RGS12: variants seen among roughly 807,000 people sequenced by gnomAD.
RGS12 encodes the protein regulator of G protein signaling 12, also known as regulator of G-protein signaling 12.
RGS12 carries 66 observed loss-of-function variants against 120.1 expected under a neutral mutation model. The observed-to-expected ratio is 0.55, with a 90% CI of 0.45 to 0.67. The LOEUF (loss-of-function observed/expected upper bound fraction) is 0.67, where lower values mean the gene tolerates loss of function less well. Ranked by LOEUF, RGS12 falls within the 30% of genes least tolerant of loss-of-function variation. The pLI, the probability that RGS12 is intolerant of heterozygous loss-of-function variation, is 0.00. For missense variants in RGS12, 1,859 were observed against 1,957.7 expected (o/e 0.95, Z 0.95); for synonymous variants, 827 against 804.7 (o/e 1.03, Z -0.47).
chr4:3,376,666 TCA>T (rs1717729708), intron 3 of RGS12, among the ~76,000 whole-genome samples: 4 of 152,192 alleles, frequency 2.6e-5, no homozygotes, highest in Non-Finnish European at 4.4e-5. Context: ...ATTTCATTTT[TCA>T]AAAAATGCTG....
intron 1 of RGS12, among the ~76,000 whole-genome samples, chr4:3,307,637 G>A (rs922013444): frequency 3.3e-5 from 5 of 152,220 alleles, no homozygotes; most frequent in South Asian, 4.1e-4. Flanking sequence ...CGTGGATCGC[G>A]CACCTGCCCT....
intron 3 of RGS12, among the ~76,000 whole-genome samples, chr4:3,344,048 C>T (rs1440212191): frequency 6.6e-6 from 1 of 152,190 alleles, no homozygotes; most frequent in Non-Finnish European, 1.5e-5. Context: ...TACATGTCTC[C>T]TTCAGCGCGT....
At position 3,349,074 on chromosome 4, in the gene RGS12, G is replaced by A. The variant is rs558435275; in HGVS notation, c.1998+6021G>A. ...ACGTCCTGCAGTTTTACTAATAGCC[G>A]ATCAATACTTCAGGAAAACCCTGTT... On this transcript the variant is annotated intron_variant, in intron 3 of 17. Coordinates refer to ENST00000336727, the MANE Select transcript of RGS12 (RefSeq NM_001394154.1). Among the ~76,000 whole-genome samples the A allele has an allele frequency of 5.9e-5, 9 of 152,276 alleles. 1 individual carries two copies. The East Asian group carries it at 9.6e-4, about 16-fold the overall frequency.
At chr4:3,362,880 T>A (rs200493583) in intron 3 of RGS12, among the ~76,000 whole-genome samples, 83 of 146,890 alleles carry the variant, frequency 5.7e-4, no homozygotes, top group East Asian at 3.5e-3. Flanking sequence ...TGTGTGTGTG[T>A]GAGAGCATGT....
intron 3 of RGS12, among the ~76,000 whole-genome samples, chr4:3,383,980 G>C (rs1718545089): frequency 6.6e-6 from 1 of 152,216 alleles, no homozygotes; most frequent in Non-Finnish European, 1.5e-5. Context: ...CGGCCTGCCA[G>C]ATTCTGAGAA....
chr4:3,437,425 T>C (rs1330966070), intron 17 of RGS12, among the ~76,000 whole-genome samples: 2 of 152,170 alleles, frequency 1.3e-5, no homozygotes, highest in Non-Finnish European at 2.9e-5. Context: ...CAGAGCCCTA[T>C]GAACACTCCA....
intron 3 of RGS12, among the ~76,000 whole-genome samples, chr4:3,349,488 T>G (rs1165221997): frequency 6.6e-6 from 1 of 152,232 alleles, no homozygotes; most frequent in Non-Finnish European, 1.5e-5. Context: ...TTCTCTTTGC[T>G]TTCTAAATCC....
intron 3 of RGS12, among the ~76,000 whole-genome samples, chr4:3,356,972 G>A (rs1406038355): frequency 1.3e-5 from 2 of 152,140 alleles, no homozygotes; most frequent in Non-Finnish European, 2.9e-5. Context: ...CCACCGTACT[G>A]TTTTCCATAG....
intron 17 of RGS12, chr4:3,431,728 C>A: frequency 1.0e-6 from 1 of 985,574 alleles, no homozygotes; most frequent in Non-Finnish European, 1.2e-6. Context: ...AGAGAGGAGC[C>A]GCTCAGGGTG....
chr4:3,317,190 C>A lies in RGS12; in HGVS notation c.1020C>A (p.Phe340Leu). ...CCCTGCGGACTTCCTGCCACGTGTTCATGGTGGACCCAGACTTGTTTAATC... is the reference window on the plus strand; with the variant it reads ...CCCTGCGGACTTCCTGCCACGTGTTAATGGTGGACCCAGACTTGTTTAATC... ...EGALRTSCHVFMVDPDLFNHK... is the reference protein window; with the variant it reads ...EGALRTSCHVLMVDPDLFNHK... Residue 340 changes from phenylalanine (F) to leucine (L), a missense_variant, in exon 2 of 18, where the codon TTC (phenylalanine) becomes TTA (leucine). By Grantham distance (22) the Phe-to-Leu change is conservative. Around this residue, in one of 3 missense-constraint regions of RGS12, gnomAD observed 967 missense variants for 994.2 expected, o/e 0.97. Coordinates refer to ENST00000336727, the MANE Select transcript of RGS12 (RefSeq NM_001394154.1). 6.2e-7 allele frequency: 1 copy of A among 1,614,176 alleles called. No homozygotes were observed. The highest frequency in any genetic ancestry group is 8.5e-7 in the Non-Finnish European group (1 of 1,180,028).
intron 8 of RGS12, 53 bp downstream of exon 8, chr4:3,417,145 G>A: frequency 6.6e-7 from 1 of 1,516,978 alleles, no homozygotes; most frequent in Non-Finnish European, 8.9e-7. Context: ...GTCATCAGCT[G>A]AGAGCTGTTC....
At chr4:3,373,703 G>A (rs867907007) in intron 3 of RGS12, among the ~76,000 whole-genome samples, 1 of 152,152 alleles carries the variant, frequency 6.6e-6, no homozygotes, top group East Asian at 1.9e-4. Flanking sequence ...CTGCTGTATC[G>A]GTCAGCTTAC....
At chr4:3,353,259 G>A (rs1452690973) in intron 3 of RGS12, among the ~76,000 whole-genome samples, 1 of 152,232 alleles carries the variant, frequency 6.6e-6, no homozygotes, top group Non-Finnish European at 1.5e-5. Context: ...CCTAGCCTAT[G>A]TGAGAGTGAA....
chr4:3,325,461 C>T (rs1725495204), intron 2 of RGS12, among the ~76,000 whole-genome samples: 1 of 152,148 alleles, frequency 6.6e-6, no homozygotes, highest in Non-Finnish European at 1.5e-5. Flanking sequence ...ATCCATAATC[C>T]ATTCATCCTT....
At chr4:3,430,225 C>T (rs1316631862) in intron 16 of RGS12, among the ~76,000 whole-genome samples, 182 bp from the exon 17 acceptor site, 1 of 152,164 alleles carries the variant, frequency 6.6e-6, no homozygotes, top group East Asian at 1.9e-4. Context: ...TGCTAGAAGC[C>T]CCAGGGCTGT....
rs573224009 is a variant in RGS12, at chr4:3,423,110, G to A, written c.3107+132G>A. The A allele has an allele frequency of 6.1e-5, 41 of 666,894 alleles. 1 individual carries two copies. The highest frequency in any genetic ancestry group is 2.0e-4 in the African/African-American group (11 of 54,938). The allele number at this position is 666,894 out of a possible 1,614,324, so 41.3% of individuals were successfully genotyped here. ...CTGGGCTACGATGGGGTGTCGGGGC[G>A]GGGGGAGGGTGGAGGCCCACACGAG... On this transcript the variant is annotated intron_variant, in intron 12 of 17. Coordinates refer to ENST00000336727, the MANE Select transcript of RGS12 (RefSeq NM_001394154.1).
At chr4:3,417,655 T>C (rs771225727) in intron 9 of RGS12, 114 bp downstream of exon 9, 26 of 1,135,862 alleles carry the variant, frequency 2.3e-5, no homozygotes, top group Non-Finnish European at 3.0e-5. Flanking sequence ...TGAGAGGCCC[T>C]GTTGGCGGGT....
At position 3,374,575 on chromosome 4, in the gene RGS12, A is replaced by G. The variant is rs10212869; in HGVS notation, c.1999-11841A>G. Among the ~76,000 whole-genome samples the G allele has an allele frequency of 0.4, 60,271 of 151,622 alleles. 13,180 individuals carry two copies. Among genetic ancestry groups the G allele is most frequent in the African/African-American group, 0.6 (24,715 of 41,276 alleles). On this transcript the variant is annotated intron_variant, in intron 3 of 17. Transcript: ENST00000336727. The surrounding 1 kb of genome is among the most constrained non-coding windows in gnomAD (Gnocchi z 6.3). ...AGACTTGGATTCTCCCCTCGCCTCCAGTGTACCCCTCCCTCAGTCTGCCAC... is the reference window on the plus strand; with the variant it reads ...AGACTTGGATTCTCCCCTCGCCTCCGGTGTACCCCTCCCTCAGTCTGCCAC...
rs140600556 is a variant in RGS12, at chr4:3,408,489, G to A, written c.2021-5583G>A. On this transcript the variant is annotated intron_variant, in intron 4 of 17. Transcript: ENST00000336727. ...TCACCTGCATGAATTTTGTCCAGATGGAATCGTAAAAATTCACCAGGAGAG... is the reference window on the plus strand; with the variant it reads ...TCACCTGCATGAATTTTGTCCAGATAGAATCGTAAAAATTCACCAGGAGAG... Among the ~76,000 whole-genome samples, 97 of 152,288 alleles carry A rather than the reference G, an allele frequency of 6.4e-4. 1 individual carries two copies. The highest frequency in any genetic ancestry group is 1.6e-3 in the Admixed American group (25 of 15,310).
Sources: gnomAD v4.1 joint callset for allele counts (sites outside exome capture counted in the v4.1 genomes callset) on GRCh38, gnomAD v4.1.1 for gene constraint, gnomAD v4.1.1 regional missense constraint, Gnocchi (gnomAD v3.1) non-coding constraint, MANE v1.5 for transcripts, NCBI Gene and HGNC (gene_info 2026-07-23, HGNC 2026-07-21) for gene names.